IL1RAPL1: variants seen among roughly 807,000 people sequenced by gnomAD.
The protein encoded by IL1RAPL1 is interleukin-1 receptor accessory protein-like 1.
Under a neutral mutation model 48.4 loss-of-function variants are expected in IL1RAPL1, and 3 were observed. The ratio of observed to expected loss-of-function variants is 0.06; its 90% CI spans 0.03 to 0.16. The LOEUF (loss-of-function observed/expected upper bound fraction) is 0.16, where lower values mean the gene tolerates loss of function less well. IL1RAPL1 is among the 10% of genes least tolerant of loss of function. The pLI, the probability that IL1RAPL1 is intolerant of heterozygous loss-of-function variation, is 1.00. For synonymous variants in IL1RAPL1, 185 were observed against 187.7 expected (o/e 0.99, Z 0.12); for missense variants, 349 against 530.6 (o/e 0.66, Z 3.36).
At chrX:28,830,051 T>C (rs1921008796) in intron 2 of IL1RAPL1, among the ~76,000 whole-genome samples, 1 of 111,505 alleles carries the variant, frequency 9.0e-6, no homozygotes, top group African/African-American at 3.3e-5. Context: ...ATTATTTTCT[T>C]GAGGAATTTG....
intron 2 of IL1RAPL1, among the ~76,000 whole-genome samples, chrX:28,886,762 A>G (rs1235590168): frequency 1.8e-5 from 2 of 111,115 alleles, no homozygotes; most frequent in African/African-American, 6.5e-5. Context: ...ATTTGACCAC[A>G]GAGAGTCTAT....
intron 2 of IL1RAPL1, among the ~76,000 whole-genome samples, chrX:29,165,573 A>G (rs1929771910): frequency 8.9e-6 from 1 of 111,732 alleles, no homozygotes; most frequent in South Asian, 3.7e-4. Flanking sequence ...ACCATCTAGT[A>G]GAATCCTTCC....
At chrX:29,360,320 A>G (rs1933359426) in intron 3 of IL1RAPL1, among the ~76,000 whole-genome samples, 1 of 111,792 alleles carries the variant, frequency 8.9e-6, no homozygotes. Context: ...GCAGCCATAC[A>G]CTAAACCTGT....
At chrX:29,476,484 T>C (rs1262155628) in intron 5 of IL1RAPL1, among the ~76,000 whole-genome samples, 2 of 111,920 alleles carry the variant, frequency 1.8e-5, no homozygotes, top group African/African-American at 6.5e-5. Context: ...TAAATAGTTA[T>C]AGGTAAGTCT....
intron 2 of IL1RAPL1, among the ~76,000 whole-genome samples, chrX:28,888,620 T>C (rs1200329485): frequency 9.0e-6 from 1 of 110,847 alleles, no homozygotes; most frequent in Non-Finnish European, 1.9e-5. Context: ...TTTGGAGATA[T>C]CACAGATTTG....
chrX:29,556,701 G>T (rs371337374), intron 5 of IL1RAPL1, among the ~76,000 whole-genome samples: 1 of 110,567 alleles, frequency 9.0e-6, no homozygotes, highest in African/African-American at 3.3e-5. Context: ...AATGTATATT[G>T]TGATGAGTCT....
intron 6 of IL1RAPL1, among the ~76,000 whole-genome samples, chrX:29,747,727 A>G (rs1928366436): frequency 8.8e-6 from 1 of 113,001 alleles, no homozygotes; most frequent in South Asian, 3.6e-4. Flanking sequence ...AAAAGAGGAA[A>G]AAGTGGCTTT....
intron 5 of IL1RAPL1, among the ~76,000 whole-genome samples, chrX:29,549,151 A>T (rs1921723380): frequency 8.9e-6 from 1 of 112,000 alleles, no homozygotes; most frequent in Non-Finnish European, 1.9e-5. Context: ...GAAGTCAACT[A>T]TAATCTGAAA....
chrX:28,948,113 A>G (rs1015442659), intron 2 of IL1RAPL1, among the ~76,000 whole-genome samples: 3 of 111,739 alleles, frequency 2.7e-5, no homozygotes, highest in Non-Finnish European at 5.6e-5. Context: ...CTGACTGACT[A>G]GAAGTCTACT....
At chrX:28,698,418 C>A (rs957272603) in intron 1 of IL1RAPL1, among the ~76,000 whole-genome samples, 3 of 110,899 alleles carry the variant, frequency 2.7e-5, no homozygotes, top group African/African-American at 9.8e-5. Context: ...TGTAGATTAA[C>A]CAAATTTTAA....
At chrX:29,239,883 T>C (rs938806519) in intron 2 of IL1RAPL1, among the ~76,000 whole-genome samples, 7 of 110,256 alleles carry the variant, frequency 6.3e-5, no homozygotes, top group African/African-American at 2.3e-4. Context: ...GGCACCTTTC[T>C]TCAATCTTTA....
chrX:29,473,604 C>A (rs1310738425), intron 5 of IL1RAPL1, among the ~76,000 whole-genome samples: 4 of 93,704 alleles, frequency 4.3e-5, no homozygotes, highest in Non-Finnish European at 6.4e-5. Context: ...CCCCACCCCC[C>A]ACGACCCCTC....
chrX:29,024,178 C>T (rs986040159), intron 2 of IL1RAPL1, among the ~76,000 whole-genome samples: 2 of 111,766 alleles, frequency 1.8e-5, no homozygotes, highest in Non-Finnish European at 3.8e-5. Context: ...GATGAAAAAT[C>T]TCAGCTATTG....
intron 8 of IL1RAPL1, among the ~76,000 whole-genome samples, chrX:29,928,003 C>T (rs1346982858): frequency 1.8e-5 from 2 of 111,422 alleles, no homozygotes; most frequent in African/African-American, 6.5e-5. Context: ...AAAACCATCT[C>T]TCCGAGTTCA....
chrX:29,285,213 C>T (rs1932262743), intron 3 of IL1RAPL1, among the ~76,000 whole-genome samples: 1 of 110,262 alleles, frequency 9.1e-6, no homozygotes, highest in Non-Finnish European at 1.9e-5. Context: ...CACTGTGATC[C>T]AATACTCTGA....
At chrX:29,607,103 A>G (rs1194439653) in intron 5 of IL1RAPL1, among the ~76,000 whole-genome samples, 1 of 112,086 alleles carries the variant, frequency 8.9e-6, no homozygotes, top group African/African-American at 3.2e-5. Context: ...TTTATCATGT[A>G]GAGGAAGAGG....
At chrX:29,580,273 A>G in intron 5 of IL1RAPL1, among the ~76,000 whole-genome samples, 1 of 110,529 alleles carries the variant, frequency 9.0e-6, no homozygotes, top group East Asian at 2.8e-4. Flanking sequence ...ATTGATTATT[A>G]TTTATTATTG....
At chrX:29,526,921 A>T (rs1935558534) in intron 5 of IL1RAPL1, among the ~76,000 whole-genome samples, 1 of 111,889 alleles carries the variant, frequency 8.9e-6, no homozygotes, top group South Asian at 3.7e-4. Flanking sequence ...AACTAAGGTT[A>T]AAATGAAAAA....
At chrX:29,650,036 A>G (rs973402449) in intron 5 of IL1RAPL1, among the ~76,000 whole-genome samples, 7 of 111,991 alleles carry the variant, frequency 6.3e-5, no homozygotes, top group Non-Finnish European at 7.6e-5. Flanking sequence ...TAAAATACCT[A>G]TGAATACATT....
Sources: allele counts gnomAD v4.1 joint callset (sites outside exome capture counted in the v4.1 genomes callset), GRCh38; gene constraint gnomAD v4.1.1; transcripts MANE v1.5; gene names NCBI Gene and HGNC (gene_info 2026-07-23, HGNC 2026-07-21).